Variants in ADARB2 observed in about 807,000 individuals in gnomAD.
ADARB2 encodes the protein adenosine deaminase RNA specific B2 (inactive).
A neutral mutation model predicts 62.2 loss-of-function variants in ADARB2; 25 were observed. The observed-to-expected ratio is 0.40, with a 90% CI of 0.29 to 0.56. The LOEUF (loss-of-function observed/expected upper bound fraction) is 0.56. Ranked by LOEUF, ADARB2 falls within the 20% of genes least tolerant of loss-of-function variation. The pLI is 0.43. For missense variants in ADARB2, 1,071 were observed against 1,077.4 expected (o/e 0.99, Z 0.08); for synonymous variants, 572 against 500.8 (o/e 1.14, Z -1.90).
intron 1 of ADARB2, chr10:1,675,999 C>T (rs759976078): frequency 5.5e-5 from 54 of 985,110 alleles, no homozygotes; most frequent in African/African-American, 1.4e-4. Context: ...CACCCACCCC[C>T]GACTTTGGTA....
rs1248528260 is a variant in ADARB2 at position 1,477,596 on chromosome 10, C to CA, written c.101-98437dup. On this transcript the variant is annotated intron_variant, in intron 1 of 9. Transcript: ENST00000381312. The surrounding 1 kb of genome is among the most constrained non-coding windows in gnomAD (Gnocchi z 4.5). ...GCCCCAGCCATTGCACCCACAACAA[C>CA]ACGGTGATGTGCCAGAAGCAATGAA... is the stretch of plus-strand genomic sequence containing the variant. Among the ~76,000 whole-genome samples the CA allele has an allele frequency of 6.6e-6, 1 of 152,212 alleles. No individual in the cohort carries two copies. Among genetic ancestry groups the CA allele is most frequent in the Non-Finnish European group, 1.5e-5 (1 of 68,048 alleles).
At chr10:1,513,545 T>C (rs1479831106) in intron 1 of ADARB2, among the ~76,000 whole-genome samples, 2 of 152,122 alleles carry the variant, frequency 1.3e-5, no homozygotes, top group Non-Finnish European at 2.9e-5. Flanking sequence ...GCCAGGAGTC[T>C]CTCATGATGG....
chr10:1,542,054 T>C (rs1588294594), intron 1 of ADARB2, among the ~76,000 whole-genome samples: 1 of 28,484 alleles, frequency 3.5e-5, no homozygotes, highest in Non-Finnish European at 7.3e-5. Context: ...CCTGGATCCG[T>C]CCAGACCCCA....
At chr10:1,681,045 T>C (rs986425254) in intron 1 of ADARB2, among the ~76,000 whole-genome samples, 12 of 152,102 alleles carry the variant, frequency 7.9e-5, no homozygotes, top group African/African-American at 2.4e-4. Flanking sequence ...ATGACTTAAA[T>C]GGGCCTGAGA....
intron 6 of ADARB2, among the ~76,000 whole-genome samples, chr10:1,229,328 C>T (rs969895425): frequency 1.3e-5 from 2 of 152,110 alleles, no homozygotes; most frequent in African/African-American, 2.4e-5. Flanking sequence ...GCCTGGGCCT[C>T]GGGTGGCTGG....
chr10:1,447,605 G>C (rs189080520), intron 1 of ADARB2, among the ~76,000 whole-genome samples: 1 of 152,076 alleles, frequency 6.6e-6, no homozygotes, highest in East Asian at 1.9e-4. Flanking sequence ...GCAGCTTCAG[G>C]GGTACATGTG....
rs201079425 is a variant in ADARB2 at position 1,449,046 on chromosome 10, CACA to C, written c.101-69889_101-69887del. The stretch of plus-strand genomic sequence containing the variant: ...AAGGGTTCTGGGTAATTGTGTCCTG[CACA>C]CCGGGATTCAAGAATGAATGGTTGC... On this transcript the variant is annotated intron_variant, in intron 1 of 9. Coordinates refer to ENST00000381312, the MANE Select transcript of ADARB2 (RefSeq NM_018702.4). 5.9e-5 allele frequency among the ~76,000 whole-genome samples: 9 copies of C among 152,298 alleles called. No individual in the cohort carries two copies. In the East Asian group the frequency reaches 1.7e-3, roughly 29 times the overall value.
At chr10:1,539,124 G>A (rs1040100010) in intron 1 of ADARB2, among the ~76,000 whole-genome samples, 5 of 152,202 alleles carry the variant, frequency 3.3e-5, no homozygotes, top group South Asian at 2.1e-4. Context: ...AGGCCAGAGC[G>A]GGTATAACAG....
intron 1 of ADARB2, among the ~76,000 whole-genome samples, chr10:1,487,776 G>T (rs1195402253): frequency 6.6e-6 from 1 of 152,184 alleles, no homozygotes; most frequent in East Asian, 1.9e-4. Context: ...CAGATTGACA[G>T]CTCTGAAGAA....
chr10:1,733,581 C>T (rs934754820), intron 1 of ADARB2, among the ~76,000 whole-genome samples: 1 of 152,110 alleles, frequency 6.6e-6, no homozygotes, highest in Admixed American at 6.6e-5. Flanking sequence ...TTTTTATATA[C>T]TCTACTGTTT....
rs115715459 is a variant in ADARB2 at position 1,422,685 on chromosome 10, C to T, written c.101-43525G>A. Among the ~76,000 whole-genome samples the T allele has an allele frequency of 8.2e-3, 1,243 of 152,350 alleles. 17 individuals carry two copies. Among genetic ancestry groups the T allele is most frequent in the African/African-American group, 0.028 (1,152 of 41,568 alleles). The stretch of plus-strand genomic sequence containing the variant: ...CAGTGCCTCAGTTATTTGGGTAAGG[C>T]TGACCAGTGAATTCTGATAAATTGC... On this transcript the variant is annotated intron_variant, in intron 1 of 9. Transcript: ENST00000381312.
chr10:1,543,998 C>CA (rs779186191), intron 1 of ADARB2, among the ~76,000 whole-genome samples: 35,034 of 81,684 alleles, frequency 0.43, 5,390 homozygotes, highest in Non-Finnish European at 0.56. Flanking sequence ...GGCAGGTGAC[C>CA]AAAAAAAAAA....
chr10:1,462,772 T>A (rs549073925), intron 1 of ADARB2, among the ~76,000 whole-genome samples: 1 of 150,888 alleles, frequency 6.6e-6, no homozygotes, highest in Admixed American at 6.6e-5. Flanking sequence ...TGTGCATGTG[T>A]TTATGTGTGC....
Position 1,214,429 on chromosome 10 carries a change from C to T in ADARB2, c.1682+2522G>A, listed in dbSNP as rs540420679. Among the ~76,000 whole-genome samples the T allele has an allele frequency of 8.7e-5, 10 of 114,498 alleles. No individual in the cohort carries two copies. The South Asian group carries it at 1.7e-3, about 20-fold the overall frequency. The allele number at this position is 114,498 out of a possible 152,430, so 75.1% of individuals were successfully genotyped here. On this transcript the variant is annotated intron_variant, in intron 7 of 9. Transcript: ENST00000381312. ...TTGCCCCTGTGCCTGGACCTTCTGG[C>T]GTTGTGTAGGTTTGCACCTGTACCC...
intron 1 of ADARB2, among the ~76,000 whole-genome samples, chr10:1,608,684 G>A (rs1223370281): frequency 1.4e-5 from 2 of 147,924 alleles, no homozygotes; most frequent in African/African-American, 5.0e-5. Context: ...ATGGAAGGAG[G>A]AGGAAAAAGT....
At chr10:1,250,392 A>C (rs994348367) in intron 4 of ADARB2, among the ~76,000 whole-genome samples, 6 of 152,002 alleles carry the variant, frequency 3.9e-5, no homozygotes, top group Non-Finnish European at 8.8e-5. Context: ...CAAGGCGGTG[A>C]GTTCTTGCTC....
intron 1 of ADARB2, among the ~76,000 whole-genome samples, chr10:1,639,885 C>T (rs1026733879): frequency 9.9e-5 from 15 of 151,956 alleles, no homozygotes; most frequent in Non-Finnish European, 1.9e-4. Flanking sequence ...AACAAACAAA[C>T]AAACAAACAA....
At chr10:1,584,543 A>G (rs2132003123) in intron 1 of ADARB2, among the ~76,000 whole-genome samples, 1 of 152,322 alleles carries the variant, frequency 6.6e-6, no homozygotes, top group Non-Finnish European at 1.5e-5. Flanking sequence ...GTTTCTAACA[A>G]AAGTAAACAT....
chr10:1,204,509 G>T (rs1049936174), intron 7 of ADARB2, among the ~76,000 whole-genome samples: 2 of 152,226 alleles, frequency 1.3e-5, no homozygotes, highest in Non-Finnish European at 2.9e-5. Context: ...CACAGCTCTC[G>T]TGCCTCTGAA....
Sources: allele counts gnomAD v4.1 joint callset (sites outside exome capture counted in the v4.1 genomes callset), GRCh38; gene constraint gnomAD v4.1.1; non-coding constraint Gnocchi (gnomAD v3.1); transcripts MANE v1.5; gene names NCBI Gene and HGNC (gene_info 2026-07-23, HGNC 2026-07-21).